Variants in FCHO2 observed in about 807,000 individuals in gnomAD.
FCHO2 encodes FCH and mu domain containing endocytic adaptor 2, also known as F-BAR domain only protein 2.
In FCHO2, 43 loss-of-function variants were observed where a neutral mutation model predicts 114.1. The observed-to-expected ratio is 0.38, with a 90% confidence interval of 0.30 to 0.49. The LOEUF (loss-of-function observed/expected upper bound fraction) is 0.49. Ranked by LOEUF, FCHO2 falls within the 20% of genes least tolerant of loss-of-function variation. FCHO2 has a pLI of 0.97. For synonymous variants in FCHO2, 293 were observed against 315.2 expected, an observed-to-expected ratio of 0.93 and a Z score of 0.75; for missense variants, 807 against 950.4, an observed-to-expected ratio of 0.85 and a Z score of 1.98.
At chr5:72,963,902 GTTTTTTTTTTTTTTTTT>G (rs70973214) in intron 1 of FCHO2, among the ~76,000 whole-genome samples, 2 of 95,694 alleles carry the variant, frequency 2.1e-5, no homozygotes, top group Non-Finnish European at 3.9e-5. Flanking sequence ...GGAACTTTCA[GTTTTTTTTTTTTTTTTT>G]TTTTTTTTTT....
At chr5:73,032,509 G>A (rs1488599385) in intron 8 of FCHO2, among the ~76,000 whole-genome samples, 1 of 151,888 alleles carries the variant, frequency 6.6e-6, no homozygotes, top group East Asian at 1.9e-4. Flanking sequence ...TTGTTTAAAG[G>A]GACTGATTTT....
intron 1 of FCHO2, among the ~76,000 whole-genome samples, chr5:72,959,348 A>C (rs1751726860): frequency 6.6e-6 from 1 of 151,970 alleles, no homozygotes; most frequent in Admixed American, 6.5e-5. Flanking sequence ...TCTACAAAAA[A>C]TTTTAAAAAA....
intron 2 of FCHO2, among the ~76,000 whole-genome samples, 172 bp from the exon 3 acceptor site, chr5:72,989,255 G>A (rs1032697508): frequency 8.5e-5 from 13 of 152,164 alleles, no homozygotes; most frequent in African/African-American, 3.1e-4. Context: ...TTCTATACCA[G>A]AAAGGACATT....
At chr5:72,966,943 C>A (rs1459382042) in intron 1 of FCHO2, among the ~76,000 whole-genome samples, 1 of 152,152 alleles carries the variant, frequency 6.6e-6, no homozygotes, top group African/African-American at 2.4e-5. Context: ...TAGGATTAAA[C>A]AACAGTAGAG....
At chr5:73,028,224 C>T (rs766686230) in intron 8 of FCHO2, among the ~76,000 whole-genome samples, 1 of 151,894 alleles carries the variant, frequency 6.6e-6, no homozygotes, top group Non-Finnish European at 1.5e-5. Flanking sequence ...CTGAGTATAC[C>T]AAATGCTATC....
In FCHO2 at chr5:73,068,700, T is replaced by C; in HGVS notation, c.1500T>C (p.Ala500=). Residue 500 remains alanine (A), a synonymous_variant, in exon 19 of 26, where the codon GCT becomes GCC. Transcript: ENST00000430046. ...CTTCCAACACCAGCCCACCTCCTGCTGCACCATTAGCCCGGGCAGAAAGTT... is the reference window on the plus strand; with the variant it reads ...CTTCCAACACCAGCCCACCTCCTGCCGCACCATTAGCCCGGGCAGAAAGTT... ...PVTSNTSPPP[A]APLARAESSS... The C allele has an allele frequency of 6.2e-7, 1 of 1,612,554 alleles. No individual in the cohort carries two copies. The highest frequency in any genetic ancestry group is 8.5e-7 in the Non-Finnish European group (1 of 1,179,018).
At chr5:73,020,220 GAA>G (rs1372709590) in intron 8 of FCHO2, among the ~76,000 whole-genome samples, 2 of 152,216 alleles carry the variant, frequency 1.3e-5, no homozygotes, top group African/African-American at 4.8e-5. Flanking sequence ...CTGAAAAGCA[GAA>G]AGACTGCCAG....
intron 8 of FCHO2, chr5:73,020,665 T>G (rs1401127453): frequency 9.3e-7 from 1 of 1,072,984 alleles, no homozygotes; most frequent in Non-Finnish European, 1.4e-6. Context: ...TATTAAATAC[T>G]AGACCGCAAG....
At chr5:73,027,098 T>G (rs1185815571) in intron 8 of FCHO2, among the ~76,000 whole-genome samples, 2 of 151,368 alleles carry the variant, frequency 1.3e-5, no homozygotes, top group Non-Finnish European at 2.9e-5. Flanking sequence ...CTTTGAATAT[T>G]AAGGCACCTG....
intron 24 of FCHO2, among the ~76,000 whole-genome samples, chr5:73,086,815 T>A (rs1445796138): frequency 6.6e-6 from 1 of 152,170 alleles, no homozygotes; most frequent in Non-Finnish European, 1.5e-5. Context: ...CACTCCCCTC[T>A]ACCTGTATCC....
chr5:73,043,279 T>TA lies in FCHO2; in HGVS notation c.939+1965dup, dbSNP rs532038629. On this transcript the variant is annotated intron_variant, in intron 11 of 25. Transcript: ENST00000430046. Reference sequence around the variant, plus strand: ...TACTGTTGGTAGGAATGTAAATTGATACTGTCTGTCTTGTGGATAGTTTGG... The same window carrying TA: ...TACTGTTGGTAGGAATGTAAATTGATAACTGTCTGTCTTGTGGATAGTTTGG... Among the ~76,000 whole-genome samples, 1,095 of 152,256 alleles carry TA rather than the reference T, an allele frequency of 7.2e-3. 16 individuals carry two copies. Among genetic ancestry groups the TA allele is most frequent in the African/African-American group, 0.025 (1,046 of 41,544 alleles).
intron 19 of FCHO2, among the ~76,000 whole-genome samples, chr5:73,072,297 C>G (rs1379518889): frequency 6.6e-6 from 1 of 151,958 alleles, no homozygotes; most frequent in Non-Finnish European, 1.5e-5. Flanking sequence ...GGCTTGTGCA[C>G]TGTTGGTGAG....
intron 5 of FCHO2, among the ~76,000 whole-genome samples, chr5:72,998,313 C>G (rs1401790784): frequency 2.0e-5 from 3 of 151,896 alleles, no homozygotes; most frequent in African/African-American, 7.3e-5. Flanking sequence ...CGGTGAAACC[C>G]CATCTCTACT....
At chr5:73,067,362 A>G (rs1327820428) in intron 18 of FCHO2, among the ~76,000 whole-genome samples, 1 of 151,972 alleles carries the variant, frequency 6.6e-6, no homozygotes, top group East Asian at 1.9e-4. Context: ...TGTTCACCCC[A>G]ATGTCCTGCA....
At chr5:72,959,847 A>G (rs112790612) in intron 1 of FCHO2, among the ~76,000 whole-genome samples, 54 of 151,298 alleles carry the variant, frequency 3.6e-4, no homozygotes, top group African/African-American at 1.3e-3. Context: ...TGGCACGAGC[A>G]TGGCTCGCTG....
At chr5:73,050,294 C>CTATTTATTTATTTATTTATT (rs3054232) in intron 11 of FCHO2, among the ~76,000 whole-genome samples, 24 of 123,586 alleles carry the variant, frequency 1.9e-4, no homozygotes, top group East Asian at 5.1e-4. Flanking sequence ...TAGCTTTCTG[C>CTATTTATTTATTTATTTATT]TATTTATTTA....
rs1370590623 is a variant in FCHO2, at chr5:73,058,428, G to C, written c.1254-5G>C. On this transcript the variant is annotated splice_region_variant and splice_polypyrimidine_tract_variant and intron_variant, in intron 16 of 25. Coordinates refer to ENST00000430046, the MANE Select transcript of FCHO2 (RefSeq NM_138782.3). ...AAATTTTTGCTTTTAAAAATATTAT[G>C]GTAGAAAAGGAACCAGTGATTTACT... is the stretch of plus-strand genomic sequence containing the variant. The C allele has an allele frequency of 6.5e-7, 1 of 1,533,736 alleles. No individual in the cohort carries two copies. Among genetic ancestry groups the C allele is most frequent in the Admixed American group, 2.1e-5 (1 of 48,004 alleles).
chr5:72,995,251 A>G (rs1396931525), intron 5 of FCHO2, among the ~76,000 whole-genome samples: 1 of 151,836 alleles, frequency 6.6e-6, no homozygotes, highest in Non-Finnish European at 1.5e-5. Flanking sequence ...AATACCTGAA[A>G]CTGGGTAATT....
intron 22 of FCHO2, among the ~76,000 whole-genome samples, chr5:73,078,627 A>C (rs1344903888): frequency 6.6e-6 from 1 of 152,246 alleles, no homozygotes; most frequent in Non-Finnish European, 1.5e-5. Flanking sequence ...AAAGATGCCC[A>C]TTAGTAGATC....
Sources: allele counts gnomAD v4.1 joint callset (sites outside exome capture counted in the v4.1 genomes callset), GRCh38; gene constraint gnomAD v4.1.1; transcripts MANE v1.5; gene names NCBI Gene and HGNC (gene_info 2026-07-23, HGNC 2026-07-21).